Variants in SCHIP1 observed in about 807,000 individuals in gnomAD.
SCHIP1 encodes the protein schwannomin interacting protein 1, also known as schwannomin-interacting protein 1.
In SCHIP1, 8 loss-of-function variants were observed where a neutral mutation model predicts 29.7. That is an observed-to-expected ratio of 0.27 (90% CI 0.16 to 0.49). The LOEUF is 0.49. Among genes scored for constraint, SCHIP1 ranks in the 20% least tolerant of loss-of-function variants. The probability of loss-of-function intolerance (pLI) is 0.99; values close to 1 mark genes in which losing one functional copy is unlikely to be tolerated. For synonymous variants in SCHIP1, 76 were observed against 94.9 expected, an observed-to-expected ratio of 0.80 and a Z score of 1.16; for missense variants, 193 against 294.6, an observed-to-expected ratio of 0.66 and a Z score of 2.52.
At chr3:159,784,431 C>T in the SCHIP1 span, among the ~76,000 whole-genome samples, 2 of 152,202 alleles carry the variant, frequency 1.3e-5, no homozygotes, top group Admixed American at 6.5e-5. Flanking sequence ...CATGAGCCTT[C>T]CCTATGGAAC....
the SCHIP1 span, among the ~76,000 whole-genome samples, chr3:159,755,240 A>G: frequency 2.2e-3 from 334 of 152,306 alleles, 1 homozygote; most frequent in Admixed American, 6.1e-3. Context: ...CTCTCAAAAA[A>G]AAAGAAAGAA....
chr3:159,497,266 G>A, the SCHIP1 span, among the ~76,000 whole-genome samples: 6 of 151,490 alleles, frequency 4.0e-5, no homozygotes, highest in African/African-American at 1.5e-4. Context: ...AAAAAAGACT[G>A]AGTCAGACTT....
chr3:159,465,700 A>G, the SCHIP1 span, among the ~76,000 whole-genome samples: 2 of 152,184 alleles, frequency 1.3e-5, no homozygotes, highest in South Asian at 4.1e-4. Context: ...ATCCAAAGCC[A>G]CAGCAGAAAA....
At chr3:159,491,270 C>A in the SCHIP1 span, among the ~76,000 whole-genome samples, 1 of 152,158 alleles carries the variant, frequency 6.6e-6, no homozygotes, top group African/African-American at 2.4e-5. Flanking sequence ...GGACAGTGGG[C>A]GCAGCACACC....
chr3:159,814,414 G>A, the SCHIP1 span, among the ~76,000 whole-genome samples: 1 of 152,188 alleles, frequency 6.6e-6, no homozygotes, highest in Non-Finnish European at 1.5e-5. Flanking sequence ...TCAGCTTCCT[G>A]CACCCAGTGC....
chr3:159,813,365 T>C, the SCHIP1 span, among the ~76,000 whole-genome samples: 1 of 152,188 alleles, frequency 6.6e-6, no homozygotes, highest in Non-Finnish European at 1.5e-5. Context: ...TGTTTGTAAT[T>C]GTATACGTCC....
chr3:159,368,149 T>C, the SCHIP1 span, among the ~76,000 whole-genome samples: 10 of 152,190 alleles, frequency 6.6e-5, no homozygotes, highest in Admixed American at 6.5e-4. Context: ...CCCAACACAA[T>C]TATTGCCATT....
chr3:159,441,075 C>CT, the SCHIP1 span, among the ~76,000 whole-genome samples: 1 of 152,176 alleles, frequency 6.6e-6, no homozygotes, highest in Non-Finnish European at 1.5e-5. Flanking sequence ...CCCCAAAAAT[C>CT]TGTCTTTCCC....
At chr3:159,334,099 A>G in the SCHIP1 span, among the ~76,000 whole-genome samples, 4 of 152,192 alleles carry the variant, frequency 2.6e-5, no homozygotes, top group African/African-American at 4.8e-5. Context: ...ACAATATTAC[A>G]TACCCCTAAA....
the SCHIP1 span, among the ~76,000 whole-genome samples, chr3:159,376,657 C>T: frequency 3.3e-5 from 5 of 152,192 alleles, no homozygotes; most frequent in African/African-American, 1.2e-4. Context: ...TTCATCACAT[C>T]TGCCAAGTGC....
the SCHIP1 span, among the ~76,000 whole-genome samples, chr3:159,752,612 G>T: frequency 6.6e-6 from 1 of 152,198 alleles, no homozygotes; most frequent in East Asian, 1.9e-4. Context: ...CATGGTGGAA[G>T]CAGGAGCAAG....
chr3:159,492,868 A>T, the SCHIP1 span, among the ~76,000 whole-genome samples: 6 of 152,220 alleles, frequency 3.9e-5, no homozygotes, highest in African/African-American at 1.2e-4. Context: ...CGGGTTACCC[A>T]CAAAGGGAAG....
chr3:159,668,869 A>G, the SCHIP1 span, among the ~76,000 whole-genome samples: 1 of 152,150 alleles, frequency 6.6e-6, no homozygotes, highest in Non-Finnish European at 1.5e-5. Flanking sequence ...CAAGCAAATA[A>G]GTGCTCTGGC....
chr3:159,516,690 C>G, the SCHIP1 span, among the ~76,000 whole-genome samples: 1 of 152,148 alleles, frequency 6.6e-6, no homozygotes, highest in East Asian at 1.9e-4. Context: ...ACACCCTCTA[C>G]AGTCTGACAC....
chr3:159,543,923 A>C, the SCHIP1 span, among the ~76,000 whole-genome samples: 1 of 152,132 alleles, frequency 6.6e-6, no homozygotes, highest in Admixed American at 6.6e-5. Flanking sequence ...CGGCACTTTT[A>C]AAACAAATCA....
chr3:159,789,730 C>G, the SCHIP1 span, among the ~76,000 whole-genome samples: 1 of 152,168 alleles, frequency 6.6e-6, no homozygotes. Context: ...CCCTTAGCCT[C>G]GTGGCCCAGA....
the SCHIP1 span, among the ~76,000 whole-genome samples, chr3:159,730,885 G>A: frequency 6.6e-6 from 1 of 152,098 alleles, no homozygotes; most frequent in Non-Finnish European, 1.5e-5. Context: ...CAAAAACCCA[G>A]GGTTCCATTC....
At chr3:159,531,377 T>C in the SCHIP1 span, among the ~76,000 whole-genome samples, 6 of 152,232 alleles carry the variant, frequency 3.9e-5, no homozygotes, top group Admixed American at 3.9e-4. Context: ...GTCTCACCTT[T>C]TACAAGGAAT....
chr3:159,506,533 T>C, the SCHIP1 span, among the ~76,000 whole-genome samples: 1 of 152,258 alleles, frequency 6.6e-6, no homozygotes, highest in Admixed American at 6.5e-5. Context: ...AGACAGGAAG[T>C]CCTTGCCCAT....
Sources: allele counts gnomAD v4.1 joint callset (sites outside exome capture counted in the v4.1 genomes callset), GRCh38; gene constraint gnomAD v4.1.1; transcripts MANE v1.5; gene names NCBI Gene and HGNC (gene_info 2026-07-23, HGNC 2026-07-21).